PRKCQ: variants seen among roughly 807,000 people sequenced by gnomAD.
PRKCQ encodes protein kinase C theta.
PRKCQ carries 41 observed loss-of-function variants against 91.2 expected under a neutral mutation model. The ratio of observed to expected loss-of-function variants is 0.45; its 90% CI spans 0.35 to 0.58. The LOEUF (loss-of-function observed/expected upper bound fraction) is 0.58. PRKCQ is among the 20% of genes least tolerant of loss of function. PRKCQ has a pLI of 0.00. For synonymous variants in PRKCQ, 307 were observed against 316.9 expected, an observed-to-expected ratio of 0.97 and a Z score of 0.33; for missense variants, 673 against 896.5, an observed-to-expected ratio of 0.75 and a Z score of 3.18.
chr10:6,480,152 C>T (rs902747690), intron 11 of PRKCQ, among the ~76,000 whole-genome samples: 11 of 151,786 alleles, frequency 7.2e-5, no homozygotes, highest in African/African-American at 1.2e-4. Flanking sequence ...TCGTGGCTCT[C>T]GTATCAAAGG....
rs562335531 is a variant in PRKCQ at position 6,514,921 on chromosome 10, AGAT to A, written c.118+94_118+96del. 5.2e-5 allele frequency: 82 copies of A among 1,578,122 alleles called. No individual in the cohort carries two copies. In the African/African-American group the frequency reaches 1.0e-3, roughly 20 times the overall value. On this transcript the variant is annotated intron_variant, in intron 2 of 17. Coordinates refer to ENST00000263125, the MANE Select transcript of PRKCQ (RefSeq NM_006257.5). ...CTAAATGGCAGGATTTGGTTCCACC[AGAT>A]GATGTCAAATGTCCTGGAAGACCTT...
At chr10:6,452,696 A>C (rs1209415150) in intron 15 of PRKCQ, among the ~76,000 whole-genome samples, 2 of 150,358 alleles carry the variant, frequency 1.3e-5, no homozygotes, top group Middle Eastern at 3.4e-3. Flanking sequence ...CAGTAACCAA[A>C]ACAGCATGGT....
At position 6,489,143 on chromosome 10, in the gene PRKCQ, C is replaced by T. The variant is rs930300224; in HGVS notation, c.790+2540G>A. 1.4e-4 allele frequency among the ~76,000 whole-genome samples: 22 copies of T among 151,892 alleles called. No individual in the cohort carries two copies. The East Asian group carries it at 2.5e-3, about 17-fold the overall frequency. ...GATTGTGCTCCAAATTCCACATTGT[C>T]GGCAAAACTCGCATAACTCACATTC... On this transcript the variant is annotated intron_variant, in intron 8 of 17. Coordinates refer to ENST00000263125, the MANE Select transcript of PRKCQ (RefSeq NM_006257.5).
the PRKCQ span, among the ~76,000 whole-genome samples, chr10:6,394,728 A>G: frequency 6.6e-6 from 1 of 152,280 alleles, no homozygotes; most frequent in Non-Finnish European, 1.5e-5. Flanking sequence ...AAAACCCAGG[A>G]GGAGAAAGAA....
At position 6,430,774 on chromosome 10, in the gene PRKCQ, T is replaced by G. The variant is rs764148214; in HGVS notation, c.1965+36A>C. The G allele has an allele frequency of 6.2e-7, 1 of 1,603,422 alleles. No individual in the cohort carries two copies. The highest frequency in any genetic ancestry group is 1.7e-5 in the Admixed American group (1 of 59,354). On this transcript the variant is annotated intron_variant, in intron 17 of 17. Transcript: ENST00000263125. This position sits in a 1 kb window ranked among gnomAD's most constrained non-coding sequence, Gnocchi z 4.7. ...CAGACGGCCCTGAGCGGAGGGAGAG[T>G]GGCTGACACCAAGCGGCCCATGAGC...
intron 16 of PRKCQ, among the ~76,000 whole-genome samples, chr10:6,439,871 T>TCTAA (rs916350551): frequency 6.6e-6 from 1 of 152,210 alleles, no homozygotes; most frequent in Non-Finnish European, 1.5e-5. Context: ...GGTTGGCTCC[T>TCTAA]CTAACTGCTG....
intron 8 of PRKCQ, among the ~76,000 whole-genome samples, chr10:6,490,235 AGGT>A (rs1297907036): frequency 1.3e-5 from 2 of 152,068 alleles, no homozygotes; most frequent in African/African-American, 4.8e-5. Context: ...CTCCACTGAG[AGGT>A]CGCTCTGGGT....
chr10:6,546,784 G>A (rs1839968001), intron 1 of PRKCQ, among the ~76,000 whole-genome samples: 1 of 152,150 alleles, frequency 6.6e-6, no homozygotes, highest in Non-Finnish European at 1.5e-5. Flanking sequence ...TAGGAGTGGT[G>A]AGAGAGGGCA....
At chr10:6,521,227 G>C (rs558524874) in intron 1 of PRKCQ, among the ~76,000 whole-genome samples, 1 of 152,314 alleles carries the variant, frequency 6.6e-6, no homozygotes, top group East Asian at 1.9e-4. Flanking sequence ...ATATATGCTA[G>C]AGACTCTGCA....
intron 8 of PRKCQ, among the ~76,000 whole-genome samples, chr10:6,490,185 T>C (rs1311868978): frequency 1.3e-5 from 2 of 152,090 alleles, no homozygotes; most frequent in Non-Finnish European, 2.9e-5. Flanking sequence ...TCCTGTGATG[T>C]CTGCTTTAGG....
chr10:6,487,639 G>A (rs544452687), intron 8 of PRKCQ, among the ~76,000 whole-genome samples: 3 of 152,286 alleles, frequency 2.0e-5, no homozygotes, highest in South Asian at 2.1e-4. Context: ...ACTGGAGAGC[G>A]TGTGCCCATG....
intron 1 of PRKCQ, among the ~76,000 whole-genome samples, chr10:6,571,195 T>C (rs761645305): frequency 1.3e-5 from 2 of 152,058 alleles, no homozygotes; most frequent in Admixed American, 6.6e-5. Context: ...CATCAGCCTA[T>C]GTGTAGACAC....
Position 6,441,976 on chromosome 10 carries a change from C to T in PRKCQ, c.1753G>A (p.Glu585Lys). ...ATGCGGATGGAGTGGAAGAGCTCCT[C>T]CTCATCCTGCCCGTGGAAAGGCGAC... ...GQSPFHGQDE[E>K]ELFHSIRMDN... Residue 585 changes from glutamate to lysine, a missense_variant, in exon 16 of 18, where the codon GAG becomes AAG. Coordinates refer to ENST00000263125, the MANE Select transcript of PRKCQ (RefSeq NM_006257.5). 4 of 1,614,162 alleles carry T rather than the reference C, an allele frequency of 2.5e-6. No homozygotes were observed. The highest frequency in any genetic ancestry group is 3.4e-6 in the Non-Finnish European group (4 of 1,180,030).
At chr10:6,571,130 G>C (rs1448274904) in intron 1 of PRKCQ, among the ~76,000 whole-genome samples, 1 of 152,076 alleles carries the variant, frequency 6.6e-6, no homozygotes, top group Admixed American at 6.5e-5. Context: ...GGAGTGGGAA[G>C]TCACAGAGCT....
chr10:6,404,255 G>GAGAGAGA, the PRKCQ span, among the ~76,000 whole-genome samples: 829 of 34,394 alleles, frequency 0.024, 67 homozygotes, highest in South Asian at 0.06. Context: ...GAAGGGGGGG[G>GAGAGAGA]GAGAGAGAGA....
intron 12 of PRKCQ, among the ~76,000 whole-genome samples, chr10:6,466,555 G>A (rs556316199): frequency 1.3e-5 from 2 of 152,320 alleles, no homozygotes; most frequent in Admixed American, 1.3e-4. Flanking sequence ...TATCTGTTCT[G>A]CTCTGTGATA....
chr10:6,545,510 T>C (rs1936645731), intron 1 of PRKCQ, among the ~76,000 whole-genome samples: 1 of 152,216 alleles, frequency 6.6e-6, no homozygotes, highest in Admixed American at 6.5e-5. Context: ...TGTTAAACAG[T>C]TCCACTGAAA....
chr10:6,487,738 C>A (rs1837010788), intron 8 of PRKCQ, among the ~76,000 whole-genome samples: 2 of 152,072 alleles, frequency 1.3e-5, no homozygotes, highest in Admixed American at 6.5e-5. Flanking sequence ...TGGCTCACAC[C>A]TGTAATCCCA....
chr10:6,488,544 C>T (rs1324234472), intron 8 of PRKCQ, among the ~76,000 whole-genome samples: 1 of 152,062 alleles, frequency 6.6e-6, no homozygotes, highest in Non-Finnish European at 1.5e-5. Context: ...CATCACCACA[C>T]CCAGCTAATT....
Sources: allele counts gnomAD v4.1 joint callset (sites outside exome capture counted in the v4.1 genomes callset), GRCh38; gene constraint gnomAD v4.1.1; non-coding constraint Gnocchi (gnomAD v3.1); transcripts MANE v1.5; gene names NCBI Gene and HGNC (gene_info 2026-07-23, HGNC 2026-07-21).